UBE3B: variants seen among roughly 807,000 people sequenced by gnomAD.
UBE3B encodes the protein ubiquitin-protein ligase E3B.
A neutral mutation model predicts 132.3 loss-of-function variants in UBE3B; 80 were observed. That is an observed-to-expected ratio of 0.60 (90% confidence interval 0.50 to 0.73). UBE3B has a LOEUF of 0.73. Among genes scored for constraint, UBE3B ranks in the 30% least tolerant of loss-of-function variants. UBE3B has a pLI of 0.00. For missense variants in UBE3B, 1,196 were observed against 1,362.5 expected, an observed-to-expected ratio of 0.88 and a Z score of 1.92; for synonymous variants, 487 against 520.4, an observed-to-expected ratio of 0.94 and a Z score of 0.87.
intron 7 of UBE3B, among the ~76,000 whole-genome samples, chr12:109,489,442 C>T (rs1877057519): frequency 6.6e-6 from 1 of 152,014 alleles, no homozygotes; most frequent in Admixed American, 6.6e-5. Flanking sequence ...GGGGATGAAA[C>T]GGAAAGCAGG....
chr12:109,542,263 C>T, the UBE3B span, among the ~76,000 whole-genome samples: 1 of 152,254 alleles, frequency 6.6e-6, no homozygotes, highest in East Asian at 1.9e-4. Context: ...ACTGTGTCTT[C>T]ATGTGCTGCT....
intron 4 of UBE3B, among the ~76,000 whole-genome samples, chr12:109,485,427 G>A (rs1323794475): frequency 1.3e-5 from 2 of 152,242 alleles, no homozygotes; most frequent in Non-Finnish European, 2.9e-5. Flanking sequence ...TAAGCTGGAG[G>A]AGGTGAACCT....
rs1878963472 is a variant in UBE3B, at chr12:109,501,366, C to G, written c.1119-5C>G. 1 of 1,613,942 alleles carries G rather than the reference C, an allele frequency of 6.2e-7. No homozygotes were observed. The highest frequency in any genetic ancestry group is 1.1e-5 in the South Asian group (1 of 91,088). Reference sequence around the variant, plus strand: ...ACAGACCAGGTCTCCTCTGCTCTCTCCTAGCCTTAACGAGTCAATGCACTT... The same window carrying G: ...ACAGACCAGGTCTCCTCTGCTCTCTGCTAGCCTTAACGAGTCAATGCACTT... On this transcript the variant is annotated splice_region_variant and splice_polypyrimidine_tract_variant and intron_variant, in intron 12 of 27. Coordinates refer to ENST00000342494, the MANE Select transcript of UBE3B (RefSeq NM_130466.4).
chr12:109,488,459 T>G (rs747030779), intron 6 of UBE3B, 113 bp from the exon 7 acceptor site: 1 of 943,538 alleles, frequency 1.1e-6, no homozygotes, highest in Non-Finnish European at 1.7e-6. Context: ...TGACTTATAA[T>G]CCTGACTCAG....
chr12:109,540,725 C>G (rs1357066469), downstream of UBE3B, among the ~76,000 whole-genome samples: 3 of 152,250 alleles, frequency 2.0e-5, no homozygotes, highest in East Asian at 1.9e-4. Flanking sequence ...GTCATTCTGG[C>G]CCTTCCAGGA....
chr12:109,521,719 GC>G lies in UBE3B; in HGVS notation c.2364+170del, dbSNP rs1245813152. Among the ~76,000 whole-genome samples the G allele has an allele frequency of 1.3e-5, 2 of 152,226 alleles. No homozygotes were observed. Among genetic ancestry groups the G allele is most frequent in the African/African-American group, 4.8e-5 (2 of 41,460 alleles). ...GTTGTACACCAGTGCTAGGTACTTT[GC>G]CTGTGGCATCTCATCTCATCCCATC... On this transcript the variant is annotated intron_variant, in intron 21 of 27. Transcript: ENST00000342494. The surrounding 1 kb of genome is among the most constrained non-coding windows in gnomAD (Gnocchi z 4.2).
chr12:109,495,541 C>T (rs1439927204), intron 9 of UBE3B, among the ~76,000 whole-genome samples: 1 of 152,234 alleles, frequency 6.6e-6, no homozygotes, highest in Non-Finnish European at 1.5e-5. Context: ...ATTAAAGACA[C>T]ACACACAGAA....
intron 16 of UBE3B, among the ~76,000 whole-genome samples, 186 bp downstream of exon 16, chr12:109,509,900 T>C (rs1880142846): frequency 6.6e-6 from 1 of 152,254 alleles, no homozygotes; most frequent in South Asian, 2.1e-4. Flanking sequence ...GGTGTGGTTA[T>C]AGAAGTCTTG....
intron 24 of UBE3B, among the ~76,000 whole-genome samples, chr12:109,528,828 G>A (rs976636990): frequency 2.7e-5 from 4 of 150,062 alleles, no homozygotes; most frequent in Admixed American, 6.7e-5. Context: ...CAGCATGGGC[G>A]ACAAGAATGA....
chr12:109,484,089 C>A (rs1875951944), intron 4 of UBE3B, 108 bp downstream of exon 4: 1 of 1,168,608 alleles, frequency 8.6e-7, no homozygotes, highest in Non-Finnish European at 1.2e-6. Flanking sequence ...ATTACTGTCA[C>A]CCTCACATCC....
In UBE3B at chr12:109,486,580, CAAAAAAAAAAAAA is replaced by C. The variant is rs201336062; in HGVS notation, c.447+16_447+28del. 76 of 562,732 alleles carry C rather than the reference CAAAAAAAAAAAAA, an allele frequency of 1.4e-4. 2 individuals are homozygous for C. The highest frequency in any genetic ancestry group is 1.7e-4 in the Non-Finnish European group (68 of 391,098). The allele number at this position is 562,732 out of a possible 1,614,324, so 34.9% of individuals were successfully genotyped here. A position where few individuals can be genotyped will look rare whatever the true frequency, so the allele number is the denominator to read the frequency against. On this transcript the variant is annotated splice_donor_region_variant and intron_variant, in intron 6 of 27. Coordinates refer to ENST00000342494, the MANE Select transcript of UBE3B (RefSeq NM_130466.4). ...GATTTTCTCAAGCAGCTCAAGGTAA[CAAAAAAAAAAAAA>C]AAAAAAAAAAGCAAAACCAGAAACA...
Position 109,535,031 on chromosome 12 carries a change from C to A in UBE3B, c.*249C>A. The A allele has an allele frequency of 2.7e-6, 1 of 372,120 alleles. No individual in the cohort carries two copies. Among genetic ancestry groups the A allele is most frequent in the Admixed American group, 4.5e-5 (1 of 22,232 alleles). 23.1% of individuals were successfully genotyped at this position (372,120 alleles called of 1,614,324 possible). On this transcript the variant is annotated 3_prime_UTR_variant, in exon 28 of 28. Transcript: ENST00000342494. Reference sequence around the variant, plus strand: ...ACCTCCAGATTCCACCAACACGGGTCCATTCTTCCTGGTGATGGCAGAGGG... The same window carrying A: ...ACCTCCAGATTCCACCAACACGGGTACATTCTTCCTGGTGATGGCAGAGGG...
chr12:109,514,644 C>T (rs985569603), intron 18 of UBE3B, among the ~76,000 whole-genome samples: 10 of 152,172 alleles, frequency 6.6e-5, no homozygotes, highest in African/African-American at 9.7e-5. Context: ...ACAAACTACA[C>T]GACTCCACAT....
Position 109,516,765 on chromosome 12 carries a change from A to G in UBE3B, c.1957A>G (p.Arg653Gly). ...CTGATCCCGCCTTTGTTCATTTTAGAGAGTTCTACTGTTTCGAACCATGGT... is the reference window on the plus strand; with the variant it reads ...CTGATCCCGCCTTTGTTCATTTTAGGGAGTTCTACTGTTTCGAACCATGGT... ...YIPHVIPHKN[R>G]VLLFRTMVTK... Residue 653 changes from arginine (R) to glycine (G), a missense_variant and splice_region_variant, in exon 19 of 28, where the codon AGA becomes GGA. Transcript: ENST00000342494. 1.2e-6 allele frequency: 2 copies of G among 1,613,140 alleles called. No individual in the cohort carries two copies.
rs547433467 is a variant in UBE3B, at chr12:109,534,017, C to T, written c.3015+459C>T. ...AGGAGAAGGAAAGCCTTCAGGGTTA[C>T]GGAGCTCTGTGTGTCTCAAGCCTGG... On this transcript the variant is annotated intron_variant, in intron 27 of 27. Transcript: ENST00000342494. This position sits in a 1 kb window ranked among gnomAD's most constrained non-coding sequence, Gnocchi z 5.2. 3.5e-5 allele frequency: 45 copies of T among 1,295,110 alleles called. 1 individual carries two copies. In the South Asian group the frequency reaches 4.6e-4, roughly 13 times the overall value. 80.2% of individuals were successfully genotyped at this position (1,295,110 alleles called of 1,614,324 possible).
chr12:109,497,697 A>G (rs1878409292), intron 9 of UBE3B, 121 bp from the exon 10 acceptor site: 2 of 981,332 alleles, frequency 2.0e-6, no homozygotes. Context: ...TTCAGCCTTC[A>G]GTTTTCTCAG....
downstream of UBE3B, among the ~76,000 whole-genome samples, chr12:109,537,841 A>T (rs1465900556): frequency 6.6e-6 from 1 of 152,108 alleles, no homozygotes; most frequent in Non-Finnish European, 1.5e-5. Flanking sequence ...CATAGCTGGG[A>T]CTACAGGTGC....
At chr12:109,545,341 GGC>G in the UBE3B span, among the ~76,000 whole-genome samples, 1 of 152,236 alleles carries the variant, frequency 6.6e-6, no homozygotes, top group Non-Finnish European at 1.5e-5. Context: ...CTGTGCCCCA[GGC>G]TGGGTGCTGA....
chr12:109,509,408 G>C, intron 15 of UBE3B, 188 bp from the exon 16 acceptor site: 3 of 483,436 alleles, frequency 6.2e-6, no homozygotes. Flanking sequence ...TTGTCCTAAG[G>C]CTCTCCCTCC....
Sources: allele counts gnomAD v4.1 joint callset (sites outside exome capture counted in the v4.1 genomes callset), GRCh38; gene constraint gnomAD v4.1.1; non-coding constraint Gnocchi (gnomAD v3.1); transcripts MANE v1.5; gene names NCBI Gene and HGNC (gene_info 2026-07-23, HGNC 2026-07-21).